Variants in PPFIA1 observed in about 807,000 individuals in gnomAD.
PPFIA1 encodes PPFI scaffold protein A1, also known as liprin-alpha-1.
PPFIA1 carries 25 observed loss-of-function variants against 149.9 expected under a neutral mutation model. The ratio of observed to expected loss-of-function variants is 0.17; its 90% CI spans 0.12 to 0.23. The LOEUF (loss-of-function observed/expected upper bound fraction) is 0.23. PPFIA1 is among the 10% of genes least tolerant of loss of function. PPFIA1 has a pLI of 1.00. For missense variants in PPFIA1, 1,362 were observed against 1,506.5 expected (o/e 0.90, Z 1.59); for synonymous variants, 549 against 552.8 (o/e 0.99, Z 0.10).
Position 70,293,889 on chromosome 11 carries a change from GCT to G in PPFIA1, c.264+21458_264+21459del, listed in dbSNP as rs2051704819. 2.0e-5 allele frequency among the ~76,000 whole-genome samples: 3 copies of G among 151,322 alleles called. No homozygotes were observed. In the South Asian group the frequency reaches 6.3e-4, roughly 32 times the overall value. On this transcript the variant is annotated intron_variant, in intron 2 of 27. Transcript: ENST00000253925. ...AGGACTAGCGATTGGATCCCTTTCA[GCT>G]CTCTGATTCTTTAAATACTCTGTAG...
intron 21 of PPFIA1, among the ~76,000 whole-genome samples, chr11:70,368,152 A>T (rs903669957): frequency 1.3e-5 from 2 of 152,092 alleles, no homozygotes; most frequent in Non-Finnish European, 2.9e-5. Context: ...TAAATAAATA[A>T]ATATCAGGCC....
At chr11:70,343,949 A>C (rs1486765631) in intron 15 of PPFIA1, 57 bp downstream of exon 15, 587 of 1,449,016 alleles carry the variant, frequency 4.1e-4, no homozygotes, top group Non-Finnish European at 5.1e-4. Flanking sequence ...GAGGAATCTC[A>C]TCTTGCCTGG....
At chr11:70,333,696 C>T in intron 10 of PPFIA1, 143 bp downstream of exon 10, 1 of 690,132 alleles carries the variant, frequency 1.4e-6, no homozygotes, top group Non-Finnish European at 2.6e-6. Context: ...TGTTTTGCAC[C>T]CTCATCTGTG....
chr11:70,350,109 G>GT, intron 16 of PPFIA1: 1 of 336,976 alleles, frequency 3.0e-6, no homozygotes, highest in Admixed American at 4.7e-5. Context: ...TTAATGGGTT[G>GT]TTTTTTTCTC....
intron 14 of PPFIA1, among the ~76,000 whole-genome samples, chr11:70,340,035 G>A (rs2055219717): frequency 6.6e-6 from 1 of 151,848 alleles, no homozygotes; most frequent in Non-Finnish European, 1.5e-5. Flanking sequence ...AAAAAGCCGA[G>A]TGCAGTGCCT....
chr11:70,310,175 C>T (rs981725582), intron 2 of PPFIA1, among the ~76,000 whole-genome samples: 1 of 152,112 alleles, frequency 6.6e-6, no homozygotes, highest in Non-Finnish European at 1.5e-5. Context: ...TCAGAGCTGA[C>T]GGACCAGATG....
At chr11:70,285,951 A>T (rs375852667) in intron 2 of PPFIA1, among the ~76,000 whole-genome samples, 1 of 152,120 alleles carries the variant, frequency 6.6e-6, no homozygotes. Context: ...CCAAACTTAC[A>T]TAGTTCGGTT....
At chr11:70,357,968 A>C (rs1211619902) in intron 19 of PPFIA1, among the ~76,000 whole-genome samples, 1 of 152,152 alleles carries the variant, frequency 6.6e-6, no homozygotes, top group East Asian at 1.9e-4. Context: ...TGCCTCCTGG[A>C]AACATGCTAG....
In PPFIA1 at chr11:70,324,433, T is replaced by C. The variant is rs1273298530; in HGVS notation, c.296T>C (p.Val99Ala). 6.2e-7 allele frequency: 1 copy of C among 1,613,224 alleles called. No individual in the cohort carries two copies. Among genetic ancestry groups the C allele is most frequent in the Non-Finnish European group, 8.5e-7 (1 of 1,179,458 alleles). ...EFAALTKELN[V>A]CREQLLEREE... ...GCAGCACTTACTAAAGAACTCAATG[T>C]ATGCAGGGAACAGCTCCTTGAAAGG... The change falls in exon 3 of 28, where the codon GTA (valine) becomes GCA (alanine). Residue 99 changes from valine (V) to alanine (A), a missense_variant. Val to Ala is a moderately conservative substitution (Grantham distance 64). This residue lies in a region of PPFIA1 where 79 missense variants were observed against 146.2 expected (regional missense o/e 0.54). Transcript: ENST00000253925.
At chr11:70,315,357 A>T (rs1420066606) in intron 2 of PPFIA1, among the ~76,000 whole-genome samples, 1 of 152,066 alleles carries the variant, frequency 6.6e-6, no homozygotes, top group Non-Finnish European at 1.5e-5. Context: ...TCCCCCTTTT[A>T]TCATTAGGAG....
Position 70,324,834 on chromosome 11 carries a change from C to T in PPFIA1, c.367-13C>T, listed in dbSNP as rs761644120. 29 of 1,546,468 alleles carry T rather than the reference C, an allele frequency of 1.9e-5. No individual in the cohort carries two copies. Among genetic ancestry groups the T allele is most frequent in the Middle Eastern group, 3.8e-4 (2 of 5,302 alleles). On this transcript the variant is annotated splice_polypyrimidine_tract_variant and intron_variant, in intron 3 of 27. Coordinates refer to ENST00000253925, the MANE Select transcript of PPFIA1 (RefSeq NM_003626.5). ...GCTGTTTAACAAGTCTTTATTTTGG[C>T]CTTTTATTTCAGCTGCTGTTAGAGC...
At chr11:70,316,683 G>A (rs959318469) in intron 2 of PPFIA1, among the ~76,000 whole-genome samples, 1 of 152,124 alleles carries the variant, frequency 6.6e-6, no homozygotes, top group African/African-American at 2.4e-5. Flanking sequence ...AGGCACCCAC[G>A]TGAGGGTGGG....
At chr11:70,286,326 G>A (rs1030755284) in intron 2 of PPFIA1, among the ~76,000 whole-genome samples, 2 of 152,084 alleles carry the variant, frequency 1.3e-5, no homozygotes, top group African/African-American at 4.8e-5. Context: ...ATCTCAGCTC[G>A]CTGCAATCTC....
intron 26 of PPFIA1, among the ~76,000 whole-genome samples, chr11:70,380,926 C>G (rs561224670): frequency 2.8e-4 from 42 of 151,964 alleles, no homozygotes; most frequent in African/African-American, 8.4e-4. Context: ...CTCAGCCTCC[C>G]AAGTAGCTGG....
chr11:70,338,503 C>T (rs2055115437), intron 13 of PPFIA1, 50 bp downstream of exon 13: 1 of 1,480,858 alleles, frequency 6.8e-7, no homozygotes, highest in Non-Finnish European at 9.4e-7. Flanking sequence ...TGTGGCAGGC[C>T]AGTTCTTGGC....
intron 2 of PPFIA1, among the ~76,000 whole-genome samples, chr11:70,319,113 C>T (rs1156984979): frequency 4.6e-5 from 7 of 152,246 alleles, no homozygotes; most frequent in African/African-American, 9.6e-5. Context: ...ATACTCTTCC[C>T]GTAGTCACTC....
chr11:70,321,609 A>G lies in PPFIA1; in HGVS notation c.265-2793A>G, dbSNP rs1565391675. Among the ~76,000 whole-genome samples the G allele has an allele frequency of 2.0e-5, 3 of 152,262 alleles. No homozygotes were observed. In the East Asian group the frequency reaches 5.8e-4, roughly 29 times the overall value. ...CAAAAGGAAACAAGAGTAAGAAGAT[A>G]TGACCCAAAAAAGAAAAAGAAAAAG... is the stretch of plus-strand genomic sequence containing the variant. On this transcript the variant is annotated intron_variant, in intron 2 of 27. Coordinates refer to ENST00000253925, the MANE Select transcript of PPFIA1 (RefSeq NM_003626.5).
chr11:70,325,613 G>C (rs766928619), intron 5 of PPFIA1, 39 bp downstream of exon 5: 2 of 1,427,516 alleles, frequency 1.4e-6, no homozygotes, highest in Non-Finnish European at 2.0e-6. Flanking sequence ...ATTGGGGGGG[G>C]GTTATTTTTA....
chr11:70,383,045 T>TC lies in PPFIA1; in HGVS notation c.*57dup, dbSNP rs1317838199. 2.4e-6 allele frequency: 1 copy of TC among 412,204 alleles called. No individual in the cohort carries two copies. Among genetic ancestry groups the TC allele is most frequent in the African/African-American group, 2.2e-5 (1 of 46,336 alleles). The allele number at this position is 412,204 out of a possible 1,614,324, so 25.5% of individuals were successfully genotyped here. ...TACAGATGATTATGCAGCATTTGAA[T>TC]CCAACAAAGACTACATTTTGGAATC... is the stretch of plus-strand genomic sequence containing the variant. On this transcript the variant is annotated 3_prime_UTR_variant, in exon 28 of 28. Coordinates refer to ENST00000253925, the MANE Select transcript of PPFIA1 (RefSeq NM_003626.5).
Sources: allele counts gnomAD v4.1 joint callset (sites outside exome capture counted in the v4.1 genomes callset), GRCh38; gene constraint gnomAD v4.1.1; regional missense constraint gnomAD v4.1.1; transcripts MANE v1.5; gene names NCBI Gene and HGNC (gene_info 2026-07-23, HGNC 2026-07-21).